SLAIN1: variants seen among roughly 807,000 people sequenced by gnomAD.
The protein encoded by SLAIN1 is SLAIN motif-containing protein 1.
In SLAIN1, 17 loss-of-function variants were observed where a neutral mutation model predicts 55.4. The observed-to-expected ratio is 0.31, with a 90% CI of 0.21 to 0.46. The LOEUF is 0.46. SLAIN1 is among the 20% of genes least tolerant of loss of function. SLAIN1 has a pLI of 1.00. For missense variants in SLAIN1, 682 were observed against 785.1 expected, an observed-to-expected ratio of 0.87 and a Z score of 1.57; for synonymous variants, 348 against 337.4, an observed-to-expected ratio of 1.03 and a Z score of -0.35.
chr13:77,761,486 G>A (rs749537896), intron 6 of SLAIN1, among the ~76,000 whole-genome samples: 2 of 152,174 alleles, frequency 1.3e-5, no homozygotes, highest in Non-Finnish European at 2.9e-5. Context: ...TGTAGGGCGG[G>A]GGGAGGTTGA....
rs1245839292 is a variant in SLAIN1, at chr13:77,698,045, G to A, written c.132G>A (p.Glu44=). 2.8e-6 allele frequency: 4 copies of A among 1,405,978 alleles called. No individual in the cohort carries two copies. Among genetic ancestry groups the A allele is most frequent in the Admixed American group, 2.5e-5 (1 of 40,226 alleles). 87.1% of individuals were successfully genotyped at this position (1,405,978 alleles called of 1,614,324 possible). The change falls in exon 1 of 7, where the codon GAG becomes GAA. Residue 44 remains glutamate, a synonymous_variant. Transcript: ENST00000418532. This position sits in a 1 kb window ranked among gnomAD's most constrained non-coding sequence, Gnocchi z 4.1. The part of the protein sequence containing the change: ...ELVRKLEKQN[E]QLRSRAASAA... ...TGCGCAAGCTGGAGAAGCAGAACGA[G>A]CAGCTGCGGAGTCGAGCGGCCAGCG...
intron 1 of SLAIN1, among the ~76,000 whole-genome samples, chr13:77,699,911 T>A (rs1178990225): frequency 1.3e-5 from 2 of 152,182 alleles, no homozygotes; most frequent in African/African-American, 4.8e-5. Flanking sequence ...CTCATGATGG[T>A]CCTTAGATTT....
chr13:77,759,570 T>C (rs1241434614), intron 5 of SLAIN1, among the ~76,000 whole-genome samples: 1 of 152,230 alleles, frequency 6.6e-6, no homozygotes, highest in East Asian at 1.9e-4. Flanking sequence ...TGATGTTGAC[T>C]ATGGGTTTGT....
Position 77,698,445 on chromosome 13 carries a change from G to GCGCCGCCCT in SLAIN1, c.541_549dup (p.Ser181_Pro183dup), listed in dbSNP as rs1322727262. 5 of 1,437,458 alleles carry GCGCCGCCCT rather than the reference G, an allele frequency of 3.5e-6. No individual in the cohort carries two copies. Among genetic ancestry groups the GCGCCGCCCT allele is most frequent in the Non-Finnish European group, 4.5e-6 (5 of 1,100,590 alleles). The allele number at this position is 1,437,458 out of a possible 1,614,324, so 89.0% of individuals were successfully genotyped here. A position where few individuals can be genotyped will look rare whatever the true frequency, so the allele number is the denominator to read the frequency against. ...GGGGACGCCGCCAGGGGCAGCTGCAGCGCCGCCCTCGCCGCCCCCCACGCT... is the reference window on the plus strand; with the variant it reads ...GGGGACGCCGCCAGGGGCAGCTGCAGCGCCGCCCTCGCCGCCCTCGCCGCCCCCCACGCT... On this transcript the variant is annotated inframe_insertion, in exon 1 of 7. Coordinates refer to ENST00000418532, the MANE Select transcript of SLAIN1 (RefSeq NM_001242868.2). The surrounding 1 kb of genome is among the most constrained non-coding windows in gnomAD (Gnocchi z 4.1).
chr13:77,704,206 A>G (rs62648176), intron 1 of SLAIN1, among the ~76,000 whole-genome samples: 204 of 8,256 alleles, frequency 0.025, 18 homozygotes, highest in Non-Finnish European at 0.052. Flanking sequence ...GAAAATATAT[A>G]TACATATGTT....
intron 5 of SLAIN1, among the ~76,000 whole-genome samples, chr13:77,754,372 G>A (rs1874451345): frequency 6.6e-6 from 1 of 152,066 alleles, no homozygotes; most frequent in Admixed American, 6.6e-5. Context: ...ATCTTATTTA[G>A]TTCTACCAAC....
At chr13:77,728,422 A>G (rs1566231503) in intron 2 of SLAIN1, among the ~76,000 whole-genome samples, 1 of 152,200 alleles carries the variant, frequency 6.6e-6, no homozygotes, top group South Asian at 2.1e-4. Flanking sequence ...TTGAATGTCT[A>G]TAACTATTGA....
At chr13:77,760,548 T>G (rs1352249298) in intron 5 of SLAIN1, among the ~76,000 whole-genome samples, 1 of 152,190 alleles carries the variant, frequency 6.6e-6, no homozygotes, top group African/African-American at 2.4e-5. Context: ...TTGTGAGAAC[T>G]CAGACATCAT....
chr13:77,743,088 G>C (rs983729630), intron 2 of SLAIN1: 30 of 1,303,220 alleles, frequency 2.3e-5, no homozygotes, highest in Non-Finnish European at 2.9e-5. Context: ...GCAAGACTCA[G>C]CCCTTATAGC....
intron 2 of SLAIN1, among the ~76,000 whole-genome samples, chr13:77,733,528 T>C (rs1198612855): frequency 6.6e-6 from 1 of 152,180 alleles, no homozygotes; most frequent in Non-Finnish European, 1.5e-5. Flanking sequence ...GAATGGGAAC[T>C]GCAGGAAAAG....
chr13:77,718,703 T>C (rs1332703179), intron 1 of SLAIN1, among the ~76,000 whole-genome samples: 3 of 152,168 alleles, frequency 2.0e-5, no homozygotes, highest in Non-Finnish European at 4.4e-5. Flanking sequence ...GTGTCACGTA[T>C]TAGAGCCAGC....
intron 1 of SLAIN1, among the ~76,000 whole-genome samples, chr13:77,716,261 C>T (rs1332496114): frequency 3.3e-5 from 5 of 151,186 alleles, no homozygotes; most frequent in Admixed American, 1.3e-4. Context: ...TCCACTGATC[C>T]GTTTATTTTT....
chr13:77,733,806 T>C (rs1872986854), intron 2 of SLAIN1, among the ~76,000 whole-genome samples: 2 of 152,162 alleles, frequency 1.3e-5, no homozygotes. Context: ...GTTTATCAGG[T>C]CGTCAAGCAC....
intron 2 of SLAIN1, among the ~76,000 whole-genome samples, chr13:77,724,272 T>A (rs1043219845): frequency 6.6e-6 from 1 of 152,178 alleles, no homozygotes; most frequent in African/African-American, 2.4e-5. Context: ...TTCAGTCACC[T>A]GGTTTTTTTC....
At chr13:77,704,093 A>C (rs368260581) in intron 1 of SLAIN1, among the ~76,000 whole-genome samples, 84 of 126,288 alleles carry the variant, frequency 6.7e-4, no homozygotes, top group Non-Finnish European at 1.0e-3. Flanking sequence ...CATATGTTTT[A>C]TATGTATATA....
At chr13:77,753,123 C>T (rs1382923406) in intron 4 of SLAIN1, 80 bp from the exon 5 acceptor site, 3 of 1,281,408 alleles carry the variant, frequency 2.3e-6, no homozygotes, top group African/African-American at 3.0e-5. Context: ...CACAATATGA[C>T]TTTTGTTATT....
Position 77,698,431 on chromosome 13 carries a change from C to T in SLAIN1, c.518C>T (p.Pro173Leu), listed in dbSNP as rs919115016. ...GAGCCGGGGGGCGCGGGGACGCCGC[C>T]AGGGGCAGCTGCAGCGCCGCCCTCG... Reference protein sequence around the residue: ...GPEPGGAGTPPGAAAAPPSPP... With the variant: ...GPEPGGAGTPLGAAAAPPSPP... Residue 173 changes from proline (P) to leucine (L), a missense_variant, in exon 1 of 7, where the codon CCA becomes CTA. This residue lies in a region of SLAIN1 where 401 missense variants were observed against 417.3 expected (regional missense o/e 0.96). Transcript: ENST00000418532. This position sits in a 1 kb window ranked among gnomAD's most constrained non-coding sequence, Gnocchi z 4.1. The T allele has an allele frequency of 7.1e-7, 1 of 1,414,706 alleles. No homozygotes were observed. Among genetic ancestry groups the T allele is most frequent in the Non-Finnish European group, 9.2e-7 (1 of 1,089,064 alleles). The allele number at this position is 1,414,706 out of a possible 1,614,324, so 87.6% of individuals were successfully genotyped here. A position where few individuals can be genotyped will look rare whatever the true frequency, so the allele number is the denominator to read the frequency against.
chr13:77,712,951 T>A (rs909508272), intron 1 of SLAIN1, among the ~76,000 whole-genome samples: 17 of 151,934 alleles, frequency 1.1e-4, no homozygotes, highest in Admixed American at 2.0e-4. Flanking sequence ...CCAAAACAAG[T>A]AATGGGGAAA....
At chr13:77,745,991 G>A (rs1873786070) in intron 3 of SLAIN1, among the ~76,000 whole-genome samples, 1 of 152,054 alleles carries the variant, frequency 6.6e-6, no homozygotes, top group Admixed American at 6.6e-5. Flanking sequence ...TGCTTTGAAA[G>A]AGATAATATT....
Sources: gnomAD v4.1 joint callset for allele counts (sites outside exome capture counted in the v4.1 genomes callset) on GRCh38, gnomAD v4.1.1 for gene constraint, gnomAD v4.1.1 regional missense constraint, Gnocchi (gnomAD v3.1) non-coding constraint, MANE v1.5 for transcripts, NCBI Gene and HGNC (gene_info 2026-07-23, HGNC 2026-07-21) for gene names.